The following NEK11 variants were observed in gnomAD, a reference collection of about 807,000 sequenced individuals.
The protein encoded by NEK11 is NIMA related kinase 11, also known as serine/threonine-protein kinase Nek11.
A neutral mutation model predicts 80.7 loss-of-function variants in NEK11; 72 were observed. The ratio of observed to expected loss-of-function variants is 0.89; its 90% CI spans 0.74 to 1.08. The LOEUF (loss-of-function observed/expected upper bound fraction) is 1.08, where lower values mean the gene tolerates loss of function less well. Among genes scored for constraint, NEK11 ranks in the 50% least tolerant of loss-of-function variants. NEK11 has a pLI of 0.00. For synonymous variants in NEK11, 251 were observed against 260.7 expected, an observed-to-expected ratio of 0.96 and a Z score of 0.36; for missense variants, 764 against 763.6, an observed-to-expected ratio of 1.00 and a Z score of -0.01.
At chr3:131,233,032 GGA>G (rs2095362421) in intron 15 of NEK11, among the ~76,000 whole-genome samples, 4 of 150,098 alleles carry the variant, frequency 2.7e-5, no homozygotes, top group Admixed American at 2.7e-4. Context: ...AAGGAAGGAA[GGA>G]AGGTTGGATG....
chr3:131,182,353 A>G (rs1426383770), intron 14 of NEK11, among the ~76,000 whole-genome samples: 2 of 152,238 alleles, frequency 1.3e-5, no homozygotes, highest in Non-Finnish European at 2.9e-5. Flanking sequence ...TGTGAGCAGT[A>G]TAATGAATTT....
intron 9 of NEK11, 128 bp downstream of exon 9, chr3:131,152,837 A>G: frequency 1.4e-6 from 1 of 690,012 alleles, no homozygotes; most frequent in Non-Finnish European, 2.5e-6. Flanking sequence ...AAGGCCAAAA[A>G]GAAGCTGAGA....
At chr3:131,244,068 A>G (rs919439434) in intron 16 of NEK11, among the ~76,000 whole-genome samples, 1 of 152,048 alleles carries the variant, frequency 6.6e-6, no homozygotes. Flanking sequence ...AGTGACACAG[A>G]GTATTCTTAC....
At chr3:131,220,210 A>G (rs933574235) in intron 14 of NEK11, among the ~76,000 whole-genome samples, 12 of 152,218 alleles carry the variant, frequency 7.9e-5, no homozygotes, top group African/African-American at 2.7e-4. Flanking sequence ...CACAATGCCT[A>G]TGTCTGTGTG....
chr3:131,316,794 C>T (rs991857953), intron 17 of NEK11, among the ~76,000 whole-genome samples: 1 of 152,098 alleles, frequency 6.6e-6, no homozygotes, highest in African/African-American at 2.4e-5. Flanking sequence ...CTTCAGCTTG[C>T]GAGTTTTTTG....
chr3:131,146,877 ATTCTCTC>A (rs2088450775), intron 7 of NEK11, among the ~76,000 whole-genome samples: 4 of 151,682 alleles, frequency 2.6e-5, no homozygotes. Context: ...TTTCTATTGG[ATTCTCTC>A]ATTTTTCTTA....
intron 3 of NEK11, among the ~76,000 whole-genome samples, chr3:131,058,031 T>G (rs1235078711): frequency 7.9e-5 from 12 of 151,770 alleles, no homozygotes; most frequent in East Asian, 3.9e-4. Context: ...GGTCTAACAT[T>G]TAAGTCTTTA....
chr3:131,140,009 C>A (rs979349866), intron 7 of NEK11, among the ~76,000 whole-genome samples: 1 of 152,188 alleles, frequency 6.6e-6, no homozygotes, highest in South Asian at 2.1e-4. Context: ...GGGCATGTGG[C>A]AGATTGTATT....
intron 15 of NEK11, among the ~76,000 whole-genome samples, chr3:131,238,327 T>C (rs1479195480): frequency 6.6e-6 from 1 of 152,204 alleles, no homozygotes; most frequent in Non-Finnish European, 1.5e-5. Flanking sequence ...TCTGCTAGAA[T>C]GAAAGCCAGT....
intron 16 of NEK11, among the ~76,000 whole-genome samples, chr3:131,261,201 A>G (rs754479145): frequency 1.3e-5 from 2 of 152,168 alleles, no homozygotes; most frequent in Non-Finnish European, 2.9e-5. Context: ...TCCTGACAAT[A>G]TTACTATTAT....
chr3:131,115,941 T>C (rs1156896804), intron 5 of NEK11, among the ~76,000 whole-genome samples: 1 of 121,542 alleles, frequency 8.2e-6, no homozygotes, highest in African/African-American at 3.2e-5. Context: ...TTTCTTTCTT[T>C]CTTTCTTTCT....
chr3:131,334,165 A>T (rs1364646125), intron 17 of NEK11, among the ~76,000 whole-genome samples: 1 of 152,136 alleles, frequency 6.6e-6, no homozygotes, highest in Non-Finnish European at 1.5e-5. Context: ...CAGAATATAC[A>T]TTTTTTTCAG....
chr3:131,139,922 C>T (rs1330503369), intron 7 of NEK11, among the ~76,000 whole-genome samples: 2 of 151,582 alleles, frequency 1.3e-5, no homozygotes, highest in African/African-American at 4.8e-5. Flanking sequence ...CCATGAGAGC[C>T]TGGGCAGGGC....
At chr3:131,036,555 G>C (rs1043282217) in intron 3 of NEK11, among the ~76,000 whole-genome samples, 3 of 152,180 alleles carry the variant, frequency 2.0e-5, no homozygotes, top group African/African-American at 7.2e-5. Context: ...TGGTTCTTGT[G>C]AGGTACAATA....
chr3:131,343,936 A>G (rs2097324214), intron 17 of NEK11, among the ~76,000 whole-genome samples: 1 of 152,138 alleles, frequency 6.6e-6, no homozygotes, highest in East Asian at 1.9e-4. Context: ...CATTGTCTGG[A>G]TATTTACACT....
chr3:131,058,487 C>T (rs1000601023), intron 3 of NEK11, among the ~76,000 whole-genome samples: 2 of 152,014 alleles, frequency 1.3e-5, no homozygotes, highest in Non-Finnish European at 2.9e-5. Context: ...GCGATACCAG[C>T]CCCAGATTAG....
chr3:131,077,308 C>T (rs1270109720), intron 3 of NEK11, among the ~76,000 whole-genome samples: 1 of 152,106 alleles, frequency 6.6e-6, no homozygotes, highest in Non-Finnish European at 1.5e-5. Context: ...TTGGCTGATA[C>T]AGATCTCGTA....
intron 14 of NEK11, among the ~76,000 whole-genome samples, chr3:131,173,972 AG>A (rs1395111640): frequency 1.3e-5 from 2 of 152,206 alleles, no homozygotes; most frequent in African/African-American, 4.8e-5. Context: ...TAATAGTTTT[AG>A]GTGGATCAGA....
chr3:131,208,128 G>T (rs1174207312), intron 14 of NEK11, among the ~76,000 whole-genome samples: 2 of 152,138 alleles, frequency 1.3e-5, no homozygotes, highest in Non-Finnish European at 2.9e-5. Flanking sequence ...AATCCATCTT[G>T]CATTAATTTT....
Sources: gnomAD v4.1 joint callset for allele counts (sites outside exome capture counted in the v4.1 genomes callset) on GRCh38, gnomAD v4.1.1 for gene constraint, MANE v1.5 for transcripts, NCBI Gene and HGNC (gene_info 2026-07-23, HGNC 2026-07-21) for gene names.